The following MOXD1 variants were observed in gnomAD, a reference collection of about 807,000 sequenced individuals.
The protein encoded by MOXD1 is monooxygenase DBH like 1, also known as DBH-like monooxygenase protein 1.
Under a neutral mutation model 66.6 loss-of-function variants are expected in MOXD1, and 62 were observed. The ratio of observed to expected loss-of-function variants is 0.93; its 90% CI spans 0.76 to 1.15. The LOEUF (loss-of-function observed/expected upper bound fraction) is 1.15, where lower values mean the gene tolerates loss of function less well. Ranked by LOEUF, MOXD1 falls within the 50% of genes most tolerant of loss-of-function variation. MOXD1 has a pLI of 0.00. For missense variants in MOXD1, 847 were observed against 754.6 expected (o/e 1.12, Z -1.44); for synonymous variants, 303 against 281.9 (o/e 1.07, Z -0.75).
At chr6:132,397,364 C>T (rs1776908830) in intron 1 of MOXD1, among the ~76,000 whole-genome samples, 1 of 152,246 alleles carries the variant, frequency 6.6e-6, no homozygotes, top group South Asian at 2.1e-4. Context: ...GACCCATTTC[C>T]TGGCATAGAA....
chr6:132,325,837 G>A (rs73546006), intron 6 of MOXD1, among the ~76,000 whole-genome samples: 6,651 of 152,208 alleles, frequency 0.044, 270 homozygotes, highest in African/African-American at 0.097. Context: ...CTAGTCACAC[G>A]TACAGTGGTC....
intron 1 of MOXD1, among the ~76,000 whole-genome samples, chr6:132,383,518 G>A (rs892817727): frequency 6.6e-6 from 1 of 152,142 alleles, no homozygotes; most frequent in African/African-American, 2.4e-5. Flanking sequence ...TGAGCAACCT[G>A]TTTGTTCTTT....
chr6:132,388,498 A>G lies in MOXD1; in HGVS notation c.264+12665T>C, dbSNP rs761477599. 8.6e-5 allele frequency among the ~76,000 whole-genome samples: 13 copies of G among 151,384 alleles called. 1 individual carries two copies. The highest frequency in any genetic ancestry group is 1.3e-4 in the Non-Finnish European group (9 of 67,688). On this transcript the variant is annotated intron_variant, in intron 1 of 11. Transcript: ENST00000367963. ...TTTGGCAGCATTGACACAGTCATCA[A>G]CTTGCAAATGTTCCTTCCATACTCT...
intron 4 of MOXD1, among the ~76,000 whole-genome samples, chr6:132,337,092 G>A (rs1775457050): frequency 6.6e-6 from 1 of 152,164 alleles, no homozygotes; most frequent in Non-Finnish European, 1.5e-5. Context: ...GGCAGAGTTC[G>A]AACACTTCAC....
Position 132,386,174 on chromosome 6 carries a change from G to A in MOXD1, c.265-11397C>T, listed in dbSNP as rs565620024. 7.9e-4 allele frequency among the ~76,000 whole-genome samples: 113 copies of A among 143,720 alleles called. 7 individuals are homozygous for A. Among genetic ancestry groups the A allele is most frequent in the African/African-American group, 2.8e-3 (108 of 38,200 alleles). The allele number at this position is 143,720 out of a possible 152,430, so 94.3% of individuals were successfully genotyped here. On this transcript the variant is annotated intron_variant, in intron 1 of 11. Coordinates refer to ENST00000367963, the MANE Select transcript of MOXD1 (RefSeq NM_015529.4). ...TCCCAGCGCTTTGGGAGGCCGAGGC[G>A]GGCGGATCACGAGGTCAGGAAATCA...
At chr6:132,362,513 A>G (rs907508220) in intron 4 of MOXD1, among the ~76,000 whole-genome samples, 3 of 152,152 alleles carry the variant, frequency 2.0e-5, no homozygotes, top group African/African-American at 7.2e-5. Context: ...TGAGATGCCA[A>G]CACTTCTAGT....
chr6:132,340,629 A>C (rs1775533633), intron 4 of MOXD1, among the ~76,000 whole-genome samples: 1 of 144,640 alleles, frequency 6.9e-6, no homozygotes, highest in African/African-American at 2.8e-5. Context: ...TGCTAAAACA[A>C]CAAGACTCAT....
At position 132,374,498 on chromosome 6, in the gene MOXD1, TA is replaced by T. The variant is rs1472402057; in HGVS notation, c.411+132del. The T allele has an allele frequency of 8.6e-5, 83 of 965,416 alleles. 1 individual carries two copies. Among genetic ancestry groups the T allele is most frequent in the African/African-American group, 4.1e-4 (23 of 56,744 alleles). The allele number at this position is 965,416 out of a possible 1,614,324, so 59.8% of individuals were successfully genotyped here. A position where few individuals can be genotyped will look rare whatever the true frequency, so the allele number is the denominator to read the frequency against. On this transcript the variant is annotated intron_variant, in intron 2 of 11. Coordinates refer to ENST00000367963, the MANE Select transcript of MOXD1 (RefSeq NM_015529.4). ...AAAAAGAAAAAACTAAAAAAAAAAC[TA>T]AAAAAAATCAAAAAAGATTTCAAAA...
At chr6:132,369,155 C>A (rs187469438) in intron 4 of MOXD1, among the ~76,000 whole-genome samples, 2 of 152,166 alleles carry the variant, frequency 1.3e-5, no homozygotes, top group East Asian at 3.9e-4. Flanking sequence ...AATCTATATT[C>A]CTGAATCTCT....
In MOXD1 at chr6:132,382,101, T is replaced by C. The variant is rs577494850; in HGVS notation, c.265-7324A>G. On this transcript the variant is annotated intron_variant, in intron 1 of 11. Transcript: ENST00000367963. ...TTGTCATGGCCTGATATCACAGTCA[T>C]TATAAAAATGTAATTGTATAATATA... Among the ~76,000 whole-genome samples the C allele has an allele frequency of 3.3e-5, 5 of 152,204 alleles. No homozygotes were observed. In the South Asian group the frequency reaches 8.3e-4, roughly 25 times the overall value.
chr6:132,320,333 A>T (rs1310682101), intron 9 of MOXD1, among the ~76,000 whole-genome samples: 1 of 152,162 alleles, frequency 6.6e-6, no homozygotes, highest in African/African-American at 2.4e-5. Context: ...TCAATTAATG[A>T]CCACAGTTCT....
chr6:132,392,698 A>G (rs1338829309), intron 1 of MOXD1, among the ~76,000 whole-genome samples: 1 of 152,248 alleles, frequency 6.6e-6, no homozygotes, highest in Non-Finnish European at 1.5e-5. Flanking sequence ...GCAGCATTCA[A>G]GGGAAATGTT....
intron 1 of MOXD1, chr6:132,375,007 A>C (rs1311094298): frequency 5.2e-6 from 3 of 571,556 alleles, no homozygotes; most frequent in African/African-American, 3.8e-5. Context: ...ATCGTAGAGC[A>C]TCAAGAGATG....
intron 1 of MOXD1, among the ~76,000 whole-genome samples, chr6:132,398,903 A>G (rs74370711): frequency 2.1e-5 from 3 of 142,768 alleles, no homozygotes; most frequent in Non-Finnish European, 1.5e-5. Flanking sequence ...GCACCAGTGC[A>G]ATCTAGCCTG....
At chr6:132,373,245 A>G (rs905036194) in intron 2 of MOXD1, among the ~76,000 whole-genome samples, 2 of 152,216 alleles carry the variant, frequency 1.3e-5, no homozygotes, top group African/African-American at 4.8e-5. Context: ...GTTCCAAAAC[A>G]TACTGAAGGA....
At chr6:132,331,060 T>C (rs1049017381) in intron 4 of MOXD1, among the ~76,000 whole-genome samples, 95 of 152,182 alleles carry the variant, frequency 6.2e-4, no homozygotes, top group African/African-American at 2.3e-3. Flanking sequence ...TTGAAAAGGG[T>C]AGTTATCGTT....
At chr6:132,367,346 T>C (rs73546086) in intron 4 of MOXD1, among the ~76,000 whole-genome samples, 34 of 152,208 alleles carry the variant, frequency 2.2e-4, no homozygotes, top group African/African-American at 6.7e-4. Flanking sequence ...TTAACAGAAA[T>C]TATGTTCCCA....
chr6:132,368,877 A>G (rs941881341), intron 4 of MOXD1, among the ~76,000 whole-genome samples: 1 of 152,092 alleles, frequency 6.6e-6, no homozygotes, highest in Non-Finnish European at 1.5e-5. Context: ...CTTCCTATAC[A>G]TGCATTAAAG....
intron 9 of MOXD1, among the ~76,000 whole-genome samples, chr6:132,316,144 A>T (rs1236357319): frequency 6.7e-6 from 1 of 149,496 alleles, no homozygotes; most frequent in African/African-American, 2.5e-5. Flanking sequence ...TCTTGTCTTC[A>T]TGTGTATAAA....
Sources: gnomAD v4.1 joint callset for allele counts (sites outside exome capture counted in the v4.1 genomes callset) on GRCh38, gnomAD v4.1.1 for gene constraint, MANE v1.5 for transcripts, NCBI Gene and HGNC (gene_info 2026-07-23, HGNC 2026-07-21) for gene names.